The following MEGF11 variants were observed in gnomAD, a reference collection of about 807,000 sequenced individuals.
MEGF11 encodes the protein multiple EGF like domains 11.
Under a neutral mutation model 146.6 loss-of-function variants are expected in MEGF11, and 126 were observed. That is an observed-to-expected ratio of 0.86 (90% confidence interval 0.74 to 1.00). The LOEUF (loss-of-function observed/expected upper bound fraction) is 1.00. Among genes scored for constraint, MEGF11 ranks in the 50% least tolerant of loss-of-function variants. The pLI is 0.00. For synonymous variants in MEGF11, 532 were observed against 583.4 expected (o/e 0.91, Z 1.27); for missense variants, 1,509 against 1,521.2 (o/e 0.99, Z 0.13).
At chr15:66,099,625 A>G (rs540045468) in intron 4 of MEGF11, among the ~76,000 whole-genome samples, 1 of 152,236 alleles carries the variant, frequency 6.6e-6, no homozygotes, top group East Asian at 1.9e-4. Context: ...CCTTCTGTAG[A>G]ATGGCTGTTG....
intron 7 of MEGF11, among the ~76,000 whole-genome samples, chr15:65,980,524 G>A (rs371936): frequency 6.6e-6 from 1 of 151,044 alleles, no homozygotes; most frequent in African/African-American, 2.4e-5. Flanking sequence ...TCAGCCTCCC[G>A]AGTAGCTGAG....
At chr15:65,979,672 AAAAGGAGGCTT>A (rs1317276877) in intron 7 of MEGF11, among the ~76,000 whole-genome samples, 1 of 152,206 alleles carries the variant, frequency 6.6e-6, no homozygotes, top group African/African-American at 2.4e-5. Context: ...TATGTTGGCT[AAAAGGAGGCTT>A]GTGGAGGGTC....
chr15:65,998,082 G>T (rs1226689811), intron 5 of MEGF11, among the ~76,000 whole-genome samples: 3 of 152,170 alleles, frequency 2.0e-5, no homozygotes, highest in African/African-American at 7.2e-5. Flanking sequence ...GAGAAGGCAG[G>T]TGATGTGTGG....
intron 5 of MEGF11, 47 bp downstream of exon 5, chr15:66,094,355 C>A: frequency 6.7e-7 from 1 of 1,499,690 alleles, no homozygotes; most frequent in South Asian, 1.2e-5. Context: ...CACTCCCCTA[C>A]CAAGTCAGAG....
At chr15:66,136,969 G>T (rs1160300428) in intron 1 of MEGF11, among the ~76,000 whole-genome samples, 3 of 152,170 alleles carry the variant, frequency 2.0e-5, no homozygotes, top group Non-Finnish European at 4.4e-5. Context: ...GGAGGCTGAG[G>T]CTGCAGTGAG....
intron 1 of MEGF11, among the ~76,000 whole-genome samples, chr15:66,218,978 G>GAAAAAAAAAAAA (rs1288273977): frequency 4.4e-5 from 1 of 22,598 alleles, no homozygotes; most frequent in African/African-American, 4.3e-4. Context: ...ATATCCACAG[G>GAAAAAAAAAAAA]CAAAAAAAAA....
At chr15:65,964,862 A>T (rs2080999512) in intron 9 of MEGF11, 46 bp downstream of exon 9, 1 of 1,491,820 alleles carries the variant, frequency 6.7e-7, no homozygotes, top group Non-Finnish European at 9.0e-7. Context: ...TCTCTACCTG[A>T]GCACCCCCCG....
chr15:66,183,311 C>T (rs1450756999), intron 1 of MEGF11, among the ~76,000 whole-genome samples: 15 of 151,950 alleles, frequency 9.9e-5, no homozygotes, highest in African/African-American at 3.4e-4. Flanking sequence ...ACCAACCTGG[C>T]CAACATGGTG....
intron 5 of MEGF11, among the ~76,000 whole-genome samples, chr15:66,044,934 CT>C (rs1233049998): frequency 8.7e-5 from 13 of 149,064 alleles, no homozygotes; most frequent in Admixed American, 8.0e-4. Flanking sequence ...AACCATAAGG[CT>C]TGTGTCCACA....
chr15:66,137,717 C>CT lies in MEGF11; in HGVS notation c.-8-9307dup, dbSNP rs1006746326. Among the ~76,000 whole-genome samples the CT allele has an allele frequency of 4.2e-3, 631 of 149,236 alleles. 7 individuals are homozygous for CT. The highest frequency in any genetic ancestry group is 0.014 in the African/African-American group (586 of 40,690). On this transcript the variant is annotated intron_variant, in intron 1 of 25. Coordinates refer to ENST00000395614, the MANE Select transcript of MEGF11 (RefSeq NM_001385028.1). Reference sequence around the variant, plus strand: ...CACAGGTTCACACTACGACACCTGGCTTTTTTTTTTCTCTTAGAGACGAGG... The same window carrying CT: ...CACAGGTTCACACTACGACACCTGGCTTTTTTTTTTTCTCTTAGAGACGAGG...
At chr15:66,173,289 C>A (rs1178540337) in intron 1 of MEGF11, among the ~76,000 whole-genome samples, 1 of 152,110 alleles carries the variant, frequency 6.6e-6, no homozygotes, top group African/African-American at 2.4e-5. Context: ...TTACATAAGT[C>A]CTTCATGACA....
chr15:66,076,002 T>A (rs1164231020), intron 5 of MEGF11, among the ~76,000 whole-genome samples: 1 of 112,814 alleles, frequency 8.9e-6, no homozygotes, highest in Non-Finnish European at 1.8e-5. Context: ...GCCCGGAACC[T>A]AGCACAGTGT....
rs181566542 is a variant in MEGF11 at position 65,997,377 on chromosome 15, T to C, written c.395-14889A>G. On this transcript the variant is annotated intron_variant, in intron 5 of 25. Coordinates refer to ENST00000395614, the MANE Select transcript of MEGF11 (RefSeq NM_001385028.1). Reference sequence around the variant, plus strand: ...GACTTGATTGCTATGTGCCAGTCACTGGGGATTGAGTGGGGAATAAAAGCA... The same window carrying C: ...GACTTGATTGCTATGTGCCAGTCACCGGGGATTGAGTGGGGAATAAAAGCA... 7.9e-5 allele frequency among the ~76,000 whole-genome samples: 12 copies of C among 152,276 alleles called. No homozygotes were observed. In the East Asian group the frequency reaches 2.3e-3, roughly 29 times the overall value.
At chr15:66,117,910 C>T (rs2087812973) in intron 4 of MEGF11, among the ~76,000 whole-genome samples, 2 of 152,140 alleles carry the variant, frequency 1.3e-5, no homozygotes, top group African/African-American at 4.8e-5. Context: ...TTCATTCATT[C>T]TTGTAATGCA....
chr15:66,061,502 T>C (rs533414961), intron 5 of MEGF11, among the ~76,000 whole-genome samples: 6 of 150,158 alleles, frequency 4.0e-5, no homozygotes, highest in African/African-American at 1.5e-4. Context: ...GCCCCACAGC[T>C]GGCTGACAGC....
chr15:65,960,470 G>A (rs2080820824), intron 9 of MEGF11, among the ~76,000 whole-genome samples: 1 of 152,220 alleles, frequency 6.6e-6, no homozygotes, highest in Non-Finnish European at 1.5e-5. Context: ...TGGCCCTGAC[G>A]CTCTGCTAGA....
chr15:66,234,096 G>A (rs560492771), intron 1 of MEGF11, among the ~76,000 whole-genome samples: 13 of 151,700 alleles, frequency 8.6e-5, no homozygotes, highest in African/African-American at 2.9e-4. Flanking sequence ...ACGGGGTTTC[G>A]CTGTGCTGGC....
intron 10 of MEGF11, among the ~76,000 whole-genome samples, chr15:65,944,243 C>T (rs2080109790): frequency 6.6e-6 from 1 of 152,096 alleles, no homozygotes; most frequent in South Asian, 2.1e-4. Context: ...AGAAAAACAT[C>T]CACAATGTGC....
At chr15:65,989,570 A>G (rs557611061) in intron 5 of MEGF11, among the ~76,000 whole-genome samples, 15 of 152,342 alleles carry the variant, frequency 9.8e-5, no homozygotes, top group African/African-American at 3.4e-4. Context: ...TCCAGCTGAT[A>G]AATAAAGTGA....
Sources: allele counts gnomAD v4.1 joint callset (sites outside exome capture counted in the v4.1 genomes callset), GRCh38; gene constraint gnomAD v4.1.1; transcripts MANE v1.5; gene names NCBI Gene and HGNC (gene_info 2026-07-23, HGNC 2026-07-21).